The following PRDM15 variants were observed in gnomAD, a reference collection of about 807,000 sequenced individuals.
The protein encoded by PRDM15 is PR domain zinc finger protein 15.
In PRDM15, 64 loss-of-function variants were observed where a neutral mutation model predicts 128.6. The observed-to-expected ratio is 0.50, with a 90% CI of 0.41 to 0.61. PRDM15 has a LOEUF of 0.61. PRDM15 is among the 20% of genes least tolerant of loss of function. PRDM15 has a pLI of 0.00. For synonymous variants in PRDM15, 615 were observed against 621.8 expected, an observed-to-expected ratio of 0.99 and a Z score of 0.16; for missense variants, 1,242 against 1,569.1, an observed-to-expected ratio of 0.79 and a Z score of 3.52.
chr21:41,826,668 C>T (rs1007292361), intron 12 of PRDM15, among the ~76,000 whole-genome samples: 6 of 152,130 alleles, frequency 3.9e-5, no homozygotes, highest in Admixed American at 1.3e-4. Flanking sequence ...TCTACACTGC[C>T]GACCCATTCT....
At chr21:41,856,186 C>T (rs111849524) in intron 4 of PRDM15, among the ~76,000 whole-genome samples, 8 of 2,764 alleles carry the variant, frequency 2.9e-3, no homozygotes, top group East Asian at 0.029. Context: ...TTCCCTCCCT[C>T]CCCTCCCTCC....
At chr21:41,825,236 T>C (rs781761460) in intron 13 of PRDM15, among the ~76,000 whole-genome samples, 2 of 152,222 alleles carry the variant, frequency 1.3e-5, no homozygotes, top group Non-Finnish European at 2.9e-5. Context: ...ACAACCAAGG[T>C]GCTTCTGCAC....
intron 18 of PRDM15, among the ~76,000 whole-genome samples, chr21:41,817,403 C>A (rs965995161): frequency 5.3e-5 from 8 of 152,196 alleles, no homozygotes; most frequent in African/African-American, 1.9e-4. Context: ...AGAAAACCTA[C>A]TGGCTGGGCC....
chr21:41,835,342 A>G, intron 11 of PRDM15, 95 bp downstream of exon 11: 1 of 1,022,020 alleles, frequency 9.8e-7, no homozygotes, highest in East Asian at 2.4e-5. Context: ...TCATGAAAAC[A>G]ATCTTTACTT....
chr21:41,808,906 T>C (rs1187897931), intron 21 of PRDM15, among the ~76,000 whole-genome samples: 2 of 152,198 alleles, frequency 1.3e-5, no homozygotes, highest in Non-Finnish European at 2.9e-5. Context: ...ACTCGAGAAA[T>C]GCTGTGATGC....
intron 1 of PRDM15, chr21:41,861,689 GA>G: frequency 6.2e-7 from 1 of 1,614,210 alleles, no homozygotes; most frequent in Non-Finnish European, 8.5e-7. Context: ...CCAGCAGCTT[GA>G]AGGGTGAAAA....
intron 6 of PRDM15, 136 bp downstream of exon 6, chr21:41,846,954 G>A (rs752486792): frequency 6.4e-6 from 4 of 627,020 alleles, no homozygotes; most frequent in African/African-American, 3.7e-5. Context: ...TGGTTCTGGC[G>A]ACTACATTGT....
At chr21:41,802,577 T>TCTGC (rs1198477034) in intron 23 of PRDM15, 135 bp downstream of exon 23, 1 of 747,104 alleles carries the variant, frequency 1.3e-6, no homozygotes, top group Non-Finnish European at 2.4e-6. Flanking sequence ...AAACAGAATG[T>TCTGC]CTGCTGCCTT....
chr21:41,826,089 T>C, intron 12 of PRDM15, 35 bp from the exon 13 acceptor site: 1 of 1,538,164 alleles, frequency 6.5e-7, no homozygotes, highest in South Asian at 1.1e-5. Flanking sequence ...AGACAGTGAA[T>C]ACACATAGAA....
intron 10 of PRDM15, among the ~76,000 whole-genome samples, chr21:41,835,899 C>G: frequency 6.6e-6 from 1 of 151,504 alleles, no homozygotes; most frequent in Non-Finnish European, 1.5e-5. Flanking sequence ...CCTGGGCACC[C>G]ACAGCCCTCG....
At chr21:41,871,696 C>T in intron 1 of PRDM15, 5 of 1,477,516 alleles carry the variant, frequency 3.4e-6, no homozygotes, top group Non-Finnish European at 4.6e-6. Flanking sequence ...TGAAACATGA[C>T]AGAAACTAAC....
chr21:41,815,702 C>T lies in PRDM15; in HGVS notation c.2392+3G>A, dbSNP rs745503702. 1.2e-6 allele frequency: 2 copies of T among 1,613,158 alleles called. No individual in the cohort carries two copies. The highest frequency in any genetic ancestry group is 4.5e-5 in the East Asian group (2 of 44,870). On this transcript the variant is annotated splice_donor_region_variant and intron_variant, in intron 19 of 23. Transcript: ENST00000398548. ...GCTGGCGCGGCCCGGGCCTCGGACT[C>T]ACCCGTGTGCCGCTTGCAGTGCTTG...
Position 41,859,183 on chromosome 21 carries a change from C to A in PRDM15, c.131+409G>T. On this transcript the variant is annotated intron_variant, in intron 3 of 23. Transcript: ENST00000398548. The surrounding 1 kb of genome is among the most constrained non-coding windows in gnomAD (Gnocchi z 5.3). The stretch of plus-strand genomic sequence containing the variant: ...TGTCCCTGTCCTCATAACCCCGCAT[C>A]CCCTGCCCCGCCTGGGTGTGCACGT... The A allele has an allele frequency of 6.2e-7, 1 of 1,614,054 alleles. No homozygotes were observed. The highest frequency in any genetic ancestry group is 8.5e-7 in the Non-Finnish European group (1 of 1,180,010).
chr21:41,805,994 CCACCACCACCATCACCACCACCAT>C (rs1568879364), intron 21 of PRDM15, among the ~76,000 whole-genome samples: 8 of 80,784 alleles, frequency 9.9e-5, no homozygotes, highest in African/African-American at 1.8e-4. Context: ...ACTATCACCA[CCACCACCACCATCACCACCACCAT>C]CACCACCACC....
intron 19 of PRDM15, chr21:41,812,410 G>A (rs1350131407): frequency 1.3e-5 from 2 of 152,224 alleles, no homozygotes. Flanking sequence ...TGCACGGTAG[G>A]TGGCCTTGTG....
intron 4 of PRDM15, among the ~76,000 whole-genome samples, chr21:41,856,447 T>C (rs1224822049): frequency 6.6e-6 from 1 of 151,420 alleles, no homozygotes; most frequent in Non-Finnish European, 1.5e-5. Flanking sequence ...GCAGATCCAT[T>C]TCAAGGGTCT....
At position 41,801,046 on chromosome 21, in the gene PRDM15, C is replaced by G. The variant is rs1057481962; in HGVS notation, c.*194G>C. The G allele has an allele frequency of 1.4e-6, 1 of 727,658 alleles. No homozygotes were observed. The highest frequency in any genetic ancestry group is 2.1e-6 in the Non-Finnish European group (1 of 473,054). 45.1% of individuals were successfully genotyped at this position (727,658 alleles called of 1,614,324 possible). A position where few individuals can be genotyped will look rare whatever the true frequency, so the allele number is the denominator to read the frequency against. ...CCATCCAGTTTAAAACTCTGGCCTGCCAGAGGTCCCTTCTAGAGTTAAGCT... is the reference window on the plus strand; with the variant it reads ...CCATCCAGTTTAAAACTCTGGCCTGGCAGAGGTCCCTTCTAGAGTTAAGCT... On this transcript the variant is annotated 3_prime_UTR_variant, in exon 24 of 24. Coordinates refer to ENST00000398548, the MANE Select transcript of PRDM15 (RefSeq NM_001040424.3).
Position 41,859,578 on chromosome 21 carries a change from C to A in PRDM15, c.131+14G>T, listed in dbSNP as rs138068492. 3.4e-5 allele frequency: 55 copies of A among 1,609,918 alleles called. No homozygotes were observed. Among genetic ancestry groups the A allele is most frequent in the Non-Finnish European group, 8.5e-6 (10 of 1,176,786 alleles). ...GGCATATGGAAGGCCCGGGAGCTCA[C>A]GGCGGTCACTCACCTTGCCCTGCTT... is the stretch of plus-strand genomic sequence containing the variant. On this transcript the variant is annotated intron_variant, in intron 3 of 23. Transcript: ENST00000398548. The surrounding 1 kb of genome is among the most constrained non-coding windows in gnomAD (Gnocchi z 5.3).
At chr21:41,831,516 C>T (rs139696880) in intron 11 of PRDM15, among the ~76,000 whole-genome samples, 1,645 of 152,350 alleles carry the variant, frequency 0.011, 28 homozygotes, top group African/African-American at 0.037. Context: ...CTTGGGCCTC[C>T]GCATGTGTCT....
Sources: gnomAD v4.1 joint callset for allele counts (sites outside exome capture counted in the v4.1 genomes callset) on GRCh38, gnomAD v4.1.1 for gene constraint, Gnocchi (gnomAD v3.1) non-coding constraint, MANE v1.5 for transcripts, NCBI Gene and HGNC (gene_info 2026-07-23, HGNC 2026-07-21) for gene names.